The following BAIAP2 variants were observed in gnomAD, a reference collection of about 807,000 sequenced individuals.
BAIAP2 encodes the protein BAR/IMD domain containing adaptor protein 2, also known as BAR/IMD domain-containing adapter protein 2.
In BAIAP2, 18 loss-of-function variants were observed where a neutral mutation model predicts 63.0. The observed-to-expected ratio is 0.29, with a 90% CI of 0.20 to 0.42. The LOEUF is 0.42. Among genes scored for constraint, BAIAP2 ranks in the 10% least tolerant of loss-of-function variants. The pLI is 1.00. For synonymous variants in BAIAP2, 386 were observed against 307.6 expected, an observed-to-expected ratio of 1.25 and a Z score of -2.67; for missense variants, 610 against 734.3, an observed-to-expected ratio of 0.83 and a Z score of 1.96.
At chr17:81,054,714 G>T (rs1037170264) in intron 2 of BAIAP2, among the ~76,000 whole-genome samples, 1 of 152,150 alleles carries the variant, frequency 6.6e-6, no homozygotes, top group African/African-American at 2.4e-5. Flanking sequence ...TGGGGGACTG[G>T]TGGCTGCAGG....
At chr17:81,073,713 C>T (rs1422584302) in intron 3 of BAIAP2, among the ~76,000 whole-genome samples, 1 of 152,186 alleles carries the variant, frequency 6.6e-6, no homozygotes, top group Non-Finnish European at 1.5e-5. Context: ...AGGTTCTTGT[C>T]ACTCGCAGAC....
chr17:81,053,664 C>T lies in BAIAP2; in HGVS notation c.55-4C>T, dbSNP rs370525202. 6.2e-7 allele frequency: 1 copy of T among 1,613,724 alleles called. No individual in the cohort carries two copies. The highest frequency in any genetic ancestry group is 8.5e-7 in the Non-Finnish European group (1 of 1,179,702). On this transcript the variant is annotated splice_region_variant and splice_polypyrimidine_tract_variant and intron_variant, in intron 1 of 13. Transcript: ENST00000428708. ...AATGCTGTTTCTTCTCTGCTTTCTT[C>T]CAGACCATCATGGAGCAGTTCAACC...
intron 6 of BAIAP2, among the ~76,000 whole-genome samples, chr17:81,092,267 G>A (rs2056900539): frequency 6.6e-6 from 1 of 152,236 alleles, no homozygotes; most frequent in Admixed American, 6.5e-5. Flanking sequence ...CGTGTGAGGG[G>A]CGGCTTCATG....
chr17:81,092,939 C>T (rs2057023456), intron 6 of BAIAP2, among the ~76,000 whole-genome samples: 2 of 152,092 alleles, frequency 1.3e-5, no homozygotes. Context: ...GCTGTGTCCA[C>T]AGGGCCCGGA....
Position 81,090,732 on chromosome 17 carries a change from G to GC in BAIAP2, c.489+4158dup, listed in dbSNP as rs1299749254. ...GCACTTGGTATGTGGCTGCGTACGCGCCCCCCGAGCTGCGGGGAGGCTGCG... is the reference window on the plus strand; with the variant it reads ...GCACTTGGTATGTGGCTGCGTACGCGCCCCCCCGAGCTGCGGGGAGGCTGCG... On this transcript the variant is annotated intron_variant, in intron 6 of 13. Transcript: ENST00000428708. Among the ~76,000 whole-genome samples the GC allele has an allele frequency of 2.6e-5, 4 of 152,182 alleles. No individual in the cohort carries two copies. In the East Asian group the frequency reaches 5.8e-4, roughly 22 times the overall value.
At chr17:81,038,584 G>C (rs2046625324) in intron 1 of BAIAP2, among the ~76,000 whole-genome samples, 1 of 152,256 alleles carries the variant, frequency 6.6e-6, no homozygotes, top group Non-Finnish European at 1.5e-5. Flanking sequence ...TGGCGGGGCC[G>C]CAGCCGTGCT....
At chr17:81,081,290 C>T (rs2054559365) in intron 3 of BAIAP2, among the ~76,000 whole-genome samples, 1 of 152,192 alleles carries the variant, frequency 6.6e-6, no homozygotes, top group South Asian at 2.1e-4. Flanking sequence ...CCTGGAGCTG[C>T]CTCCCCCGGG....
rs60972273 is a variant in BAIAP2, at chr17:81,057,973, ACCCCCCCCCCC to A, written c.217+12_217+22del. 1 of 764,944 alleles carries A rather than the reference ACCCCCCCCCCC, an allele frequency of 1.3e-6. No homozygotes were observed. Among genetic ancestry groups the A allele is most frequent in the African/African-American group, 4.4e-5 (1 of 22,474 alleles). The allele number at this position is 764,944 out of a possible 1,614,324, so 47.4% of individuals were successfully genotyped here. ...CCAGGGCTCCAAAGAACTCGGTGAGACCCCCCCCCCCCCCCCGCCTGGTAGTCGCCTGATGC... is the reference window on the plus strand; with the variant it reads ...CCAGGGCTCCAAAGAACTCGGTGAGACCCCCGCCTGGTAGTCGCCTGATGC... On this transcript the variant is annotated splice_region_variant and intron_variant, in intron 3 of 13. Coordinates refer to ENST00000428708, the MANE Select transcript of BAIAP2 (RefSeq NM_001144888.2).
At position 81,115,896 on chromosome 17, in the gene BAIAP2, C is replaced by T; in HGVS notation, c.*57C>T. ...GCTTCCCCCGCCCTTCCCATGTAGCCTGTTCTGTCATCATCTGTGCGTTCC... is the reference window on the plus strand; with the variant it reads ...GCTTCCCCCGCCCTTCCCATGTAGCTTGTTCTGTCATCATCTGTGCGTTCC... On this transcript the variant is annotated 3_prime_UTR_variant, in exon 14 of 14. Coordinates refer to ENST00000428708, the MANE Select transcript of BAIAP2 (RefSeq NM_001144888.2). The T allele has an allele frequency of 1.9e-6, 3 of 1,606,808 alleles. No individual in the cohort carries two copies. The highest frequency in any genetic ancestry group is 2.2e-5 in the East Asian group (1 of 44,756).
At position 81,056,196 on chromosome 17, in the gene BAIAP2, A is replaced by G. The variant is rs531096611; in HGVS notation, c.131-1685A>G. On this transcript the variant is annotated intron_variant, in intron 2 of 13. Coordinates refer to ENST00000428708, the MANE Select transcript of BAIAP2 (RefSeq NM_001144888.2). ...GAGGGCTTCCAACTGTGGTGACCCC[A>G]TGATCTCTAGGCACAGCACACGATG... is the stretch of plus-strand genomic sequence containing the variant. Among the ~76,000 whole-genome samples the G allele has an allele frequency of 1.0e-3, 154 of 152,292 alleles. 2 individuals are homozygous for G. Among genetic ancestry groups the G allele is most frequent in the African/African-American group, 3.5e-3 (147 of 41,568 alleles).
intron 3 of BAIAP2, among the ~76,000 whole-genome samples, chr17:81,073,575 T>C (rs1438329606): frequency 6.6e-6 from 1 of 152,126 alleles, no homozygotes; most frequent in Non-Finnish European, 1.5e-5. Context: ...TGAGCTGCTG[T>C]TTGCCCTCGC....
In BAIAP2 at chr17:81,115,832, T is replaced by C; in HGVS notation, c.1598T>C (p.Leu533Pro). 6.2e-7 allele frequency: 1 copy of C among 1,613,380 alleles called. No individual in the cohort carries two copies. Among genetic ancestry groups the C allele is most frequent in the Non-Finnish European group, 8.5e-7 (1 of 1,179,996 alleles). Reference protein sequence around the residue: ...TVTNDRSAPLLS With the variant: ...TVTNDRSAPLPS The stretch of plus-strand genomic sequence containing the variant: ...ACCAACGACAGGTCTGCCCCCCTCC[T>C]CAGCTGATGGCCACATCTGCAGTGC... Residue 533 changes from leucine (L) to proline (P), a missense_variant, in exon 14 of 14, where the codon CTC becomes CCC. By Grantham distance (98) the Leu-to-Pro change is moderately conservative (BLOSUM62 -3). Transcript: ENST00000428708.
intron 2 of BAIAP2, among the ~76,000 whole-genome samples, chr17:81,056,673 G>A (rs1197343016): frequency 6.6e-6 from 1 of 152,226 alleles, no homozygotes; most frequent in Non-Finnish European, 1.5e-5. Flanking sequence ...TGGCGGGGCT[G>A]AGTGTGGAGA....
chr17:81,054,904 G>A (rs2049219098), intron 2 of BAIAP2, among the ~76,000 whole-genome samples: 1 of 152,186 alleles, frequency 6.6e-6, no homozygotes, highest in Non-Finnish European at 1.5e-5. Flanking sequence ...CCTTGGCTGA[G>A]TCCTGCCATG....
chr17:81,105,751 T>A (rs537486847), intron 10 of BAIAP2: 2 of 274,818 alleles, frequency 7.3e-6, no homozygotes, highest in Non-Finnish European at 1.4e-5. Flanking sequence ...CACTCCAATC[T>A]TGGTGCCATC....
intron 1 of BAIAP2, among the ~76,000 whole-genome samples, chr17:81,040,779 G>T (rs2046970033): frequency 6.6e-6 from 1 of 152,252 alleles, no homozygotes; most frequent in African/African-American, 2.4e-5. Context: ...AGGGCTGTGG[G>T]CAGTGCAGGC....
chr17:81,091,259 C>G lies in BAIAP2; in HGVS notation c.489+4679C>G, dbSNP rs2056717640. Among the ~76,000 whole-genome samples, 3 of 145,852 alleles carry G rather than the reference C, an allele frequency of 2.1e-5. No individual in the cohort carries two copies. In the South Asian group the frequency reaches 6.6e-4, roughly 32 times the overall value. The stretch of plus-strand genomic sequence containing the variant: ...CTCCTGGCTTGCCTCGCGGGGTCTA[C>G]TGTCCTGGGGCCTAGGTTGTCAGCG... On this transcript the variant is annotated intron_variant, in intron 6 of 13. Transcript: ENST00000428708.
intron 13 of BAIAP2, 178 bp downstream of exon 13, chr17:81,108,687 C>T (rs922790111): frequency 8.5e-5 from 76 of 897,870 alleles, no homozygotes; most frequent in African/African-American, 1.2e-4. Context: ...CCGAGTGACA[C>T]GGGAACCCCC....
rs549341819 is a variant in BAIAP2 at position 81,064,198 on chromosome 17, T to C, written c.217+6231T>C. Among the ~76,000 whole-genome samples the C allele has an allele frequency of 1.8e-4, 27 of 152,374 alleles. No homozygotes were observed. In the East Asian group the frequency reaches 5.0e-3, roughly 28 times the overall value. On this transcript the variant is annotated intron_variant, in intron 3 of 13. Coordinates refer to ENST00000428708, the MANE Select transcript of BAIAP2 (RefSeq NM_001144888.2). ...CATTCTTCGCACCTTTTCTTTCCCA[T>C]GTGGCACCTGCTCTACTCACAGGGC...
Sources: gnomAD v4.1 joint callset for allele counts (sites outside exome capture counted in the v4.1 genomes callset) on GRCh38, gnomAD v4.1.1 for gene constraint, MANE v1.5 for transcripts, NCBI Gene and HGNC (gene_info 2026-07-23, HGNC 2026-07-21) for gene names.